The following UGT1A10 variants were observed in gnomAD, a reference collection of about 807,000 sequenced individuals.
UGT1A10 encodes UDP glucuronosyltransferase family 1 member A10.
In UGT1A10, 49 loss-of-function variants were observed where a neutral mutation model predicts 45.8. That is an observed-to-expected ratio of 1.07 (90% CI 0.85 to 1.36). UGT1A10 has a LOEUF of 1.36. Ranked by LOEUF, UGT1A10 falls within the 40% of genes most tolerant of loss-of-function variation. The pLI, the probability that UGT1A10 is intolerant of heterozygous loss-of-function variation, is 0.00. For synonymous variants in UGT1A10, 284 were observed against 249.7 expected (o/e 1.14, Z -1.29); for missense variants, 745 against 668.6 (o/e 1.11, Z -1.26).
At chr2:233,763,669 C>T (rs902437322) in intron 1 of UGT1A10, among the ~76,000 whole-genome samples, 1 of 152,168 alleles carries the variant, frequency 6.6e-6, no homozygotes, top group Non-Finnish European at 1.5e-5. Context: ...AACTCCTGAA[C>T]TTTAAGAATA....
chr2:233,708,982 G>C (rs1269882270), intron 1 of UGT1A10, among the ~76,000 whole-genome samples: 2 of 151,916 alleles, frequency 1.3e-5, no homozygotes, highest in East Asian at 3.9e-4. Flanking sequence ...CTGTTTCCTC[G>C]GCCGTGGCAT....
At chr2:233,690,521 A>T (rs1361310143) in intron 1 of UGT1A10, 1 of 1,289,572 alleles carries the variant, frequency 7.8e-7, no homozygotes, top group Non-Finnish European at 1.0e-6. Flanking sequence ...TTATCTTAGG[A>T]TCTACTTCTT....
At chr2:233,706,824 A>G (rs2125605408) in intron 1 of UGT1A10, among the ~76,000 whole-genome samples, 2 of 152,344 alleles carry the variant, frequency 1.3e-5, no homozygotes, top group Middle Eastern at 3.4e-3. Flanking sequence ...ATCCCAGGGC[A>G]GGACTCTAAA....
chr2:233,766,270 C>T (rs1699087800), intron 1 of UGT1A10, among the ~76,000 whole-genome samples: 1 of 67,854 alleles, frequency 1.5e-5, no homozygotes. Flanking sequence ...GGCCCGGGCT[C>T]GGTGGCCCGG....
chr2:233,729,266 T>A (rs6431625), intron 1 of UGT1A10: 2 of 1,613,820 alleles, frequency 1.2e-6, no homozygotes, highest in East Asian at 4.5e-5. Context: ...ATGCGGGAGG[T>A]CTTGCGGGAG....
intron 1 of UGT1A10, chr2:233,692,102 G>C: frequency 6.6e-6 from 1 of 152,094 alleles, no homozygotes; most frequent in Non-Finnish European, 1.5e-5. Flanking sequence ...ATCACCGATG[G>C]GCAACAATCT....
rs61748821 is a variant in UGT1A10 at position 233,637,282 on chromosome 2, C to T, written c.760C>T (p.Arg254Ter). The T allele has an allele frequency of 2.4e-4, 388 of 1,613,936 alleles. 3 individuals are homozygous for T. The African/African-American group carries it at 3.7e-3, about 16-fold the overall frequency. The change falls in exon 1 of 5, where the codon CGA becomes TGA. Residue 254 changes from arginine to a stop codon, truncating the protein, a stop_gained. Transcript: ENST00000344644. LOFTEE classifies it high-confidence loss of function. Reference sequence around the variant, plus strand: ...CAGTCACACATCAATTTGGTTGTTGCGAACGGACTTTGTTTTGGACTATCC... The same window carrying T: ...CAGTCACACATCAATTTGGTTGTTGTGAACGGACTTTGTTTTGGACTATCC... ...LYSHTSIWLL[R>*]TDFVLDYPKP...
chr2:233,729,149 C>T, intron 1 of UGT1A10: 2 of 1,613,488 alleles, frequency 1.2e-6, no homozygotes, highest in Non-Finnish European at 1.7e-6. Flanking sequence ...CTCCAGGTTC[C>T]CCTGCCGTGG....
At chr2:233,651,286 C>T (rs2073733263) in intron 1 of UGT1A10, among the ~76,000 whole-genome samples, 1 of 152,100 alleles carries the variant, frequency 6.6e-6, no homozygotes, top group East Asian at 1.9e-4. Flanking sequence ...TTCCTTGTGG[C>T]TCACAGGGTC....
chr2:233,674,376 C>G (rs1043073204), intron 1 of UGT1A10, among the ~76,000 whole-genome samples: 61 of 152,132 alleles, frequency 4.0e-4, no homozygotes, highest in African/African-American at 1.4e-3. Context: ...GCACTTTTCT[C>G]CCCTTTACCC....
intron 1 of UGT1A10, among the ~76,000 whole-genome samples, chr2:233,741,230 C>T (rs1691594926): frequency 6.6e-6 from 1 of 151,876 alleles, no homozygotes; most frequent in Non-Finnish European, 1.5e-5. Flanking sequence ...AGACCCACTA[C>T]CTCTGAGTGA....
At chr2:233,640,654 C>T (rs1371465725) in intron 1 of UGT1A10, among the ~76,000 whole-genome samples, 1 of 152,090 alleles carries the variant, frequency 6.6e-6, no homozygotes, top group Non-Finnish European at 1.5e-5. Flanking sequence ...CTTTTTTAGG[C>T]TGCAAATGCT....
At chr2:233,724,972 G>A (rs897028674) in intron 1 of UGT1A10, among the ~76,000 whole-genome samples, 4 of 135,404 alleles carry the variant, frequency 3.0e-5, no homozygotes, top group South Asian at 2.5e-4. Context: ...CGAGGTTGGC[G>A]GATCACTCGC....
intron 1 of UGT1A10, chr2:233,729,151 C>T (rs780105483): frequency 1.2e-6 from 2 of 1,613,562 alleles, no homozygotes; most frequent in Non-Finnish European, 1.7e-6. Flanking sequence ...CCAGGTTCCC[C>T]TGCCGTGGCT....
intron 1 of UGT1A10, among the ~76,000 whole-genome samples, chr2:233,731,855 G>T (rs1025455629): frequency 1.3e-5 from 2 of 152,138 alleles, no homozygotes; most frequent in African/African-American, 4.8e-5. Flanking sequence ...TTGAGGAATC[G>T]CCACACTGTC....
chr2:233,647,991 G>A (rs535285811), intron 1 of UGT1A10: 424 of 1,607,716 alleles, frequency 2.6e-4, no homozygotes, highest in Middle Eastern at 2.1e-3. Context: ...TTCTCAGGGG[G>A]CATGAGGTGG....
At chr2:233,754,028 T>C (rs751344508) in intron 1 of UGT1A10, among the ~76,000 whole-genome samples, 3 of 152,268 alleles carry the variant, frequency 2.0e-5, no homozygotes, top group African/African-American at 7.2e-5. Context: ...AGGAAACGAA[T>C]GCATCCACTT....
At chr2:233,763,732 A>T (rs1272484781) in intron 1 of UGT1A10, among the ~76,000 whole-genome samples, 1 of 152,234 alleles carries the variant, frequency 6.6e-6, no homozygotes, top group East Asian at 1.9e-4. Context: ...ACAACCTGGC[A>T]TTGGCGTGTC....
chr2:233,772,112 C>A, intron 4 of UGT1A10, 150 bp from the exon 5 acceptor site: 1 of 1,527,992 alleles, frequency 6.5e-7, no homozygotes, highest in South Asian at 1.2e-5. Context: ...GACTCTGTAT[C>A]TAAAAACAAC....
Sources: allele counts gnomAD v4.1 joint callset (sites outside exome capture counted in the v4.1 genomes callset), GRCh38; gene constraint gnomAD v4.1.1; transcripts MANE v1.5; gene names NCBI Gene and HGNC (gene_info 2026-07-23, HGNC 2026-07-21).